The following FADS1 variants were observed in gnomAD, a reference collection of about 807,000 sequenced individuals.
FADS1 encodes acyl-CoA (8-3)-desaturase.
A neutral mutation model predicts 61.6 loss-of-function variants in FADS1; 17 were observed. That is an observed-to-expected ratio of 0.28 (90% CI 0.19 to 0.41). The LOEUF is 0.41. Ranked by LOEUF, FADS1 falls within the 10% of genes least tolerant of loss-of-function variation. The probability of loss-of-function intolerance (pLI) is 1.00; values close to 1 mark genes in which losing one functional copy is unlikely to be tolerated. For missense variants in FADS1, 387 were observed against 650.9 expected, an observed-to-expected ratio of 0.59 and a Z score of 4.41; for synonymous variants, 238 against 258.7, an observed-to-expected ratio of 0.92 and a Z score of 0.77.
In FADS1 at chr11:61,816,266, G is replaced by A. The variant is rs1233322605; in HGVS notation, c.375+289C>T. 1 of 1,598,044 alleles carries A rather than the reference G, an allele frequency of 6.3e-7. No homozygotes were observed. The highest frequency in any genetic ancestry group is 1.3e-5 in the African/African-American group (1 of 74,888). ...GTTCTGTCCCCGCCCAGAGACCTGA[G>A]GCTCGGGGCTGCAGATGGAATGCAC... On this transcript the variant is annotated intron_variant, in intron 1 of 11. Coordinates refer to ENST00000350997, the MANE Select transcript of FADS1 (RefSeq NM_013402.7). The surrounding 1 kb of genome is among the most constrained non-coding windows in gnomAD (Gnocchi z 7.0).
At position 61,816,291 on chromosome 11, in the gene FADS1, C is replaced by G. The variant is rs764327596; in HGVS notation, c.375+264G>C. Reference sequence around the variant, plus strand: ...GGCTCGGGGCTGCAGATGGAATGCACGGCAGGGAGGCGGGACCCTTTGTTT... The same window carrying G: ...GGCTCGGGGCTGCAGATGGAATGCAGGGCAGGGAGGCGGGACCCTTTGTTT... On this transcript the variant is annotated intron_variant, in intron 1 of 11. Coordinates refer to ENST00000350997, the MANE Select transcript of FADS1 (RefSeq NM_013402.7). The surrounding 1 kb of genome is among the most constrained non-coding windows in gnomAD (Gnocchi z 7.0). 6.3e-7 allele frequency: 1 copy of G among 1,598,336 alleles called. No homozygotes were observed.
intron 5 of FADS1, among the ~76,000 whole-genome samples, chr11:61,809,837 G>A (rs1423424477): frequency 2.0e-5 from 3 of 152,214 alleles, no homozygotes; most frequent in African/African-American, 7.2e-5. Flanking sequence ...GGTGGGGCAT[G>A]AGCCTCAAGC....
At chr11:61,812,281 G>A (rs142858552) in intron 3 of FADS1, among the ~76,000 whole-genome samples, 190 bp downstream of exon 3, 2 of 152,310 alleles carry the variant, frequency 1.3e-5, no homozygotes, top group East Asian at 3.9e-4. Context: ...TGAGAGAAAT[G>A]AAGATGTCCA....
At position 61,815,058 on chromosome 11, in the gene FADS1, GC is replaced by G; in HGVS notation, c.375+1496del. The G allele has an allele frequency of 6.4e-6, 1 of 155,860 alleles. No homozygotes were observed. The allele number at this position is 155,860 out of a possible 1,614,324, so 9.7% of individuals were successfully genotyped here. The stretch of plus-strand genomic sequence containing the variant: ...TCCCTAAGCACTCTGGCCACCCCCT[GC>G]CCCAAGGCAGCTACTTTGGGTTGTG... On this transcript the variant is annotated intron_variant, in intron 1 of 11. Coordinates refer to ENST00000350997, the MANE Select transcript of FADS1 (RefSeq NM_013402.7). This position sits in a 1 kb window ranked among gnomAD's most constrained non-coding sequence, Gnocchi z 6.4.
Position 61,802,983 on chromosome 11 carries a change from A to G in FADS1, c.1328+49T>C. ...TGCTTCTCTGCTCCCACCTGTACCC[A>G]ACACTTACACCCTCCCCAGGACCCT... is the stretch of plus-strand genomic sequence containing the variant. On this transcript the variant is annotated intron_variant, in intron 10 of 11. Transcript: ENST00000350997. The surrounding 1 kb of genome is among the most constrained non-coding windows in gnomAD (Gnocchi z 4.2). 1 of 1,613,894 alleles carries G rather than the reference A, an allele frequency of 6.2e-7. No homozygotes were observed.
chr11:61,816,687 C>T lies in FADS1; in HGVS notation c.243G>A (p.Glu81=). 1 of 1,586,878 alleles carries T rather than the reference C, an allele frequency of 6.3e-7. No individual in the cohort carries two copies. The highest frequency in any genetic ancestry group is 1.1e-5 in the South Asian group (1 of 87,432). ...CCTCGCACCCTGAGCGCTGGGCCAC[C>T]TCGTCCCAGGTGAAGTAGCGCGGGG... is the stretch of plus-strand genomic sequence containing the variant. ...GPTPRYFTWD[E]VAQRSGCEER... The change falls in exon 1 of 12, where the codon GAG becomes GAA. Residue 81 remains glutamate (E), a synonymous_variant. Transcript: ENST00000350997. This position sits in a 1 kb window ranked among gnomAD's most constrained non-coding sequence, Gnocchi z 7.0.
intron 7 of FADS1, 58 bp downstream of exon 7, chr11:61,804,627 T>A: frequency 3.4e-6 from 5 of 1,455,470 alleles, no homozygotes; most frequent in Non-Finnish European, 4.8e-6. Context: ...GGAACCCCTA[T>A]CCCCCACTCT....
chr11:61,814,134 ACACT>A (rs1019692623), intron 1 of FADS1: 11 of 152,276 alleles, frequency 7.2e-5, no homozygotes, highest in African/African-American at 2.4e-4. Context: ...AAGAGCTGTA[ACACT>A]CACCGCGAAG....
Position 61,803,975 on chromosome 11 carries a change from C to T in FADS1, c.1054-208G>A, listed in dbSNP as rs1591149904. The T allele has an allele frequency of 1.7e-6, 1 of 586,366 alleles. No homozygotes were observed. The highest frequency in any genetic ancestry group is 1.9e-5 in the African/African-American group (1 of 53,670). 36.3% of individuals were successfully genotyped at this position (586,366 alleles called of 1,614,324 possible). ...ACCCCCCAGCCCTTCTTGCATGTCC[C>T]CTTCAAAAGTACCAAGGCCTACAAG... On this transcript the variant is annotated intron_variant, in intron 7 of 11. Transcript: ENST00000350997. The surrounding 1 kb of genome is among the most constrained non-coding windows in gnomAD (Gnocchi z 4.3).
At chr11:61,807,428 T>G (rs546619443) in intron 5 of FADS1, among the ~76,000 whole-genome samples, 7 of 152,176 alleles carry the variant, frequency 4.6e-5, no homozygotes, top group Admixed American at 4.6e-4. Context: ...CTATACAGGT[T>G]AAGTATTCCC....
Position 61,810,962 on chromosome 11 carries a change from C to T in FADS1, c.786+12G>A, listed in dbSNP as rs2066927209. On this transcript the variant is annotated intron_variant, in intron 4 of 11. Transcript: ENST00000350997. ...CCTGGAGTTTTAGAGAGCTCCTCCC[C>T]ATCCCACTGACCTTCAGGTGGCCAA... The T allele has an allele frequency of 2.5e-6, 4 of 1,613,972 alleles. No homozygotes were observed. Among genetic ancestry groups the T allele is most frequent in the South Asian group, 1.1e-5 (1 of 91,082 alleles).
chr11:61,809,925 C>T (rs185502830), intron 5 of FADS1, among the ~76,000 whole-genome samples: 3 of 152,310 alleles, frequency 2.0e-5, no homozygotes, highest in Admixed American at 6.5e-5. Context: ...GAGAGGAACG[C>T]CAGGCTACCT....
chr11:61,807,627 C>T (rs529217563), intron 5 of FADS1, among the ~76,000 whole-genome samples: 4 of 152,230 alleles, frequency 2.6e-5, no homozygotes, highest in African/African-American at 9.6e-5. Context: ...TTTTATAAGC[C>T]GAGCTGCTGA....
chr11:61,816,964 G>T lies in FADS1; in HGVS notation c.-35C>A, dbSNP rs2066991800. On this transcript the variant is annotated 5_prime_UTR_variant, in exon 1 of 12. Transcript: ENST00000350997. This position sits in a 1 kb window ranked among gnomAD's most constrained non-coding sequence, Gnocchi z 7.0. ...CTCGTGGCGCGGGGAGCGAGATCCC[G>T]TCCCCCGGTGGGTCTTGGGCAACTC... 36 of 1,371,678 alleles carry T rather than the reference G, an allele frequency of 2.6e-5. No homozygotes were observed. Among genetic ancestry groups the T allele is most frequent in the Non-Finnish European group, 3.3e-5 (35 of 1,070,740 alleles). 85.0% of individuals were successfully genotyped at this position (1,371,678 alleles called of 1,614,324 possible). A position where few individuals can be genotyped will look rare whatever the true frequency, so the allele number is the denominator to read the frequency against.
chr11:61,804,837 A>G, intron 6 of FADS1, 76 bp from the exon 7 acceptor site: 2 of 1,276,262 alleles, frequency 1.6e-6, no homozygotes, highest in East Asian at 4.6e-5. Context: ...GTTGGGAGAG[A>G]TGGCCTCTAG....
At position 61,803,490 on chromosome 11, in the gene FADS1, T is replaced by C; in HGVS notation, c.1152-31A>G. On this transcript the variant is annotated intron_variant, in intron 8 of 11. Transcript: ENST00000350997. This position sits in a 1 kb window ranked among gnomAD's most constrained non-coding sequence, Gnocchi z 4.3. The stretch of plus-strand genomic sequence containing the variant: ...AGATGTATTACACAGACAAAAACAG[T>C]ACACACAGAGCCCAGAATTCTGATT... 6.4e-7 allele frequency: 1 copy of C among 1,566,620 alleles called. No homozygotes were observed. Among genetic ancestry groups the C allele is most frequent in the Non-Finnish European group, 8.8e-7 (1 of 1,136,750 alleles).
rs751206996 is a variant in FADS1 at position 61,802,424 on chromosome 11, T to C, written c.1493A>G (p.Tyr498Cys). ...KESGQLWLDA[Y>C]LHQ Reference sequence around the variant, plus strand: ...GGGTGGCTGTTGTTATTGGTGAAGATAGGCATCTAGCCAGAGCTGCCCTGA... The same window carrying C: ...GGGTGGCTGTTGTTATTGGTGAAGACAGGCATCTAGCCAGAGCTGCCCTGA... The change falls in exon 12 of 12, where the codon TAT becomes TGT. Residue 498 changes from tyrosine to cysteine, a missense_variant. Tyr to Cys is a radical substitution (Grantham distance 194). Around this residue, in one of 2 missense-constraint regions of FADS1, gnomAD observed 257 missense variants for 533.3 expected, o/e 0.48. Transcript: ENST00000350997. The surrounding 1 kb of genome is among the most constrained non-coding windows in gnomAD (Gnocchi z 4.2). 2 of 1,568,444 alleles carry C rather than the reference T, an allele frequency of 1.3e-6. No individual in the cohort carries two copies. The highest frequency in any genetic ancestry group is 1.4e-5 in the African/African-American group (1 of 73,866).
chr11:61,800,062 C>G lies in FADS1; in HGVS notation c.*2349G>C, dbSNP rs1247085154. On this transcript the variant is annotated 3_prime_UTR_variant, in exon 12 of 12. Coordinates refer to ENST00000350997, the MANE Select transcript of FADS1 (RefSeq NM_013402.7). ...TTGCTCAGATTGGGCAGCCTATGCC[C>G]AAAGCTACTTGGCTAAACAGGCTGG... 6.5e-6 allele frequency: 1 copy of G among 152,700 alleles called. No homozygotes were observed. Among genetic ancestry groups the G allele is most frequent in the Non-Finnish European group, 1.5e-5 (1 of 68,038 alleles). The allele number at this position is 152,700 out of a possible 1,614,324, so 9.5% of individuals were successfully genotyped here. A position where few individuals can be genotyped will look rare whatever the true frequency, so the allele number is the denominator to read the frequency against.
rs2066983405 is a variant in FADS1, at chr11:61,816,378, C to T, written c.375+177G>A. 1.9e-6 allele frequency: 3 copies of T among 1,598,502 alleles called. No individual in the cohort carries two copies. Among genetic ancestry groups the T allele is most frequent in the Non-Finnish European group, 2.5e-6 (3 of 1,179,810 alleles). On this transcript the variant is annotated intron_variant, in intron 1 of 11. Transcript: ENST00000350997. This position sits in a 1 kb window ranked among gnomAD's most constrained non-coding sequence, Gnocchi z 7.0. ...AGACTCCACTTCTCCAGGCCTCTCT[C>T]CCGCCTTTTCATCCCGCATCCGCAG... is the stretch of plus-strand genomic sequence containing the variant.
Sources: gnomAD v4.1 joint callset for allele counts (sites outside exome capture counted in the v4.1 genomes callset) on GRCh38, gnomAD v4.1.1 for gene constraint, gnomAD v4.1.1 regional missense constraint, Gnocchi (gnomAD v3.1) non-coding constraint, MANE v1.5 for transcripts, NCBI Gene and HGNC (gene_info 2026-07-23, HGNC 2026-07-21) for gene names.